The following USO1 variants were observed in gnomAD, a reference collection of about 807,000 sequenced individuals.
USO1 encodes USO1 vesicle transport factor.
Under a neutral mutation model 124.5 loss-of-function variants are expected in USO1, and 57 were observed. The observed-to-expected ratio is 0.46, with a 90% CI of 0.37 to 0.57. The LOEUF is 0.57. Ranked by LOEUF, USO1 falls within the 20% of genes least tolerant of loss-of-function variation. The pLI, the probability that USO1 is intolerant of heterozygous loss-of-function variation, is 0.00. For missense variants in USO1, 900 were observed against 1,040.6 expected (o/e 0.86, Z 1.86); for synonymous variants, 369 against 362.8 (o/e 1.02, Z -0.19).
chr4:75,761,717 G>C (rs1232626589), intron 4 of USO1, among the ~76,000 whole-genome samples: 1 of 151,584 alleles, frequency 6.6e-6, no homozygotes, highest in Non-Finnish European at 1.5e-5. Context: ...AGTTTTTTTG[G>C]TTTGTTTTGT....
At chr4:75,810,730 T>C (rs1437766773) in intron 22 of USO1, among the ~76,000 whole-genome samples, 191 bp downstream of exon 22, 4 of 152,122 alleles carry the variant, frequency 2.6e-5, no homozygotes, top group Non-Finnish European at 5.9e-5. Flanking sequence ...TTGGGTTTTT[T>C]TGTTTTGTTT....
At chr4:75,767,747 A>G (rs1721808000) in intron 4 of USO1, among the ~76,000 whole-genome samples, 1 of 152,220 alleles carries the variant, frequency 6.6e-6, no homozygotes, top group Non-Finnish European at 1.5e-5. Flanking sequence ...CATCATCTTG[A>G]TTACTGTAGC....
chr4:75,756,472 C>T (rs576789532), intron 3 of USO1, among the ~76,000 whole-genome samples: 8 of 150,272 alleles, frequency 5.3e-5, no homozygotes, highest in African/African-American at 2.0e-4. Context: ...GAATGCATCT[C>T]TTATGTAAAG....
chr4:75,741,630 A>G (rs1720963963), intron 1 of USO1, among the ~76,000 whole-genome samples: 1 of 109,954 alleles, frequency 9.1e-6, no homozygotes, highest in Non-Finnish European at 1.7e-5. Flanking sequence ...TTTTTGAGAC[A>G]GTCTCGCTCT....
intron 13 of USO1, chr4:75,795,355 G>A (rs915180812): frequency 3.0e-5 from 21 of 701,974 alleles, no homozygotes; most frequent in African/African-American, 7.0e-5. Context: ...ATCGACAGAC[G>A]GGTATGTATC....
intron 22 of USO1, among the ~76,000 whole-genome samples, chr4:75,811,258 C>T (rs1287150527): frequency 6.6e-6 from 1 of 151,822 alleles, no homozygotes; most frequent in African/African-American, 2.4e-5. Flanking sequence ...CAGATTCAAG[C>T]GATTCTCCTG....
At chr4:75,769,911 T>C (rs989838641) in intron 4 of USO1, among the ~76,000 whole-genome samples, 1 of 152,162 alleles carries the variant, frequency 6.6e-6, no homozygotes, top group Non-Finnish European at 1.5e-5. Context: ...AAAAAGATAC[T>C]GAGAAATCTG....
At chr4:75,727,706 GTTTTTTCCA>G in intron 1 of USO1, among the ~76,000 whole-genome samples, 1 of 152,172 alleles carries the variant, frequency 6.6e-6, no homozygotes, top group Non-Finnish European at 1.5e-5. Context: ...TTATTTTGTA[GTTTTTTCCA>G]TTTCTGCAAA....
At chr4:75,796,092 A>G (rs2149185641) in intron 13 of USO1, among the ~76,000 whole-genome samples, 1 of 152,274 alleles carries the variant, frequency 6.6e-6, no homozygotes, top group South Asian at 2.1e-4. Flanking sequence ...TGTGTCATTA[A>G]CTTACACACA....
At chr4:75,724,964 C>G (rs1720357503) in intron 1 of USO1, 79 bp downstream of exon 1, 1 of 1,513,036 alleles carries the variant, frequency 6.6e-7, no homozygotes, top group African/African-American at 1.4e-5. Flanking sequence ...ACCCGAAGGT[C>G]ACCTCCAGCG....
At chr4:75,752,066 TCAAA>T (rs1427157618) in intron 1 of USO1, among the ~76,000 whole-genome samples, 2 of 152,208 alleles carry the variant, frequency 1.3e-5, no homozygotes, top group African/African-American at 4.8e-5. Context: ...CCCTCCTGGT[TCAAA>T]CAGTCATAAT....
At chr4:75,726,686 G>A (rs1037394663) in intron 1 of USO1, among the ~76,000 whole-genome samples, 5 of 152,212 alleles carry the variant, frequency 3.3e-5, no homozygotes, top group East Asian at 1.9e-4. Context: ...TGTAACACAC[G>A]CACACATTTG....
intron 17 of USO1, 50 bp from the exon 18 acceptor site, chr4:75,804,084 A>G: frequency 1.9e-6 from 3 of 1,585,264 alleles, no homozygotes; most frequent in Non-Finnish European, 1.7e-6. Flanking sequence ...CACCTTCTTA[A>G]TGCTAACGAG....
chr4:75,754,598 C>T (rs1721385521), intron 3 of USO1, among the ~76,000 whole-genome samples: 1 of 152,204 alleles, frequency 6.6e-6, no homozygotes, highest in South Asian at 2.1e-4. Context: ...GCTTTCCATG[C>T]CCCCTTCGAC....
At chr4:75,784,538 G>A (rs1356639808) in intron 9 of USO1, among the ~76,000 whole-genome samples, 1 of 152,178 alleles carries the variant, frequency 6.6e-6, no homozygotes, top group African/African-American at 2.4e-5. Flanking sequence ...AAGTAGGTCA[G>A]GTGTGGTGAC....
At chr4:75,789,381 A>G (rs1325532518) in intron 10 of USO1, among the ~76,000 whole-genome samples, 1 of 152,130 alleles carries the variant, frequency 6.6e-6, no homozygotes, top group Non-Finnish European at 1.5e-5. Context: ...GGGTTCAAGC[A>G]ATTCTCCTGC....
At chr4:75,762,819 T>G (rs1475344803) in intron 4 of USO1, among the ~76,000 whole-genome samples, 2 of 152,070 alleles carry the variant, frequency 1.3e-5, no homozygotes, top group African/African-American at 2.4e-5. Context: ...TCCCAGCTAC[T>G]TGGGAGGCTG....
intron 9 of USO1, among the ~76,000 whole-genome samples, chr4:75,783,691 C>G (rs1391926437): frequency 6.6e-6 from 1 of 152,086 alleles, no homozygotes; most frequent in East Asian, 1.9e-4. Context: ...ATGGGAGTTG[C>G]CTGCATAGGA....
rs1197160563 is a variant in USO1, at chr4:75,800,790, G to T, written c.1855G>T (p.Glu619Ter). Residue 619 changes from glutamate (E) to a stop codon, truncating the protein, a stop_gained, in exon 16 of 24, where the codon GAA becomes TAA. Transcript: ENST00000514213. LOFTEE classifies it high-confidence loss of function. ...FDHEFTKLVK[E>*]LEGVITKAIY... ...TCATGAGTTTACGAAGCTGGTAAAA[G>T]AACTTGAAGGTAAGACTGAAGATTT... is the stretch of plus-strand genomic sequence containing the variant. The T allele has an allele frequency of 6.2e-7, 1 of 1,612,554 alleles. No individual in the cohort carries two copies. Among genetic ancestry groups the T allele is most frequent in the African/African-American group, 1.3e-5 (1 of 74,844 alleles).
Sources: gnomAD v4.1 joint callset for allele counts (sites outside exome capture counted in the v4.1 genomes callset) on GRCh38, gnomAD v4.1.1 for gene constraint, MANE v1.5 for transcripts, NCBI Gene and HGNC (gene_info 2026-07-23, HGNC 2026-07-21) for gene names.